Variants in CCSER1 observed in about 807,000 individuals in gnomAD.
CCSER1 encodes the protein coiled-coil serine rich protein 1, also known as serine-rich coiled-coil domain-containing protein 1.
In CCSER1, 41 loss-of-function variants were observed where a neutral mutation model predicts 82.0. The ratio of observed to expected loss-of-function variants is 0.50; its 90% CI spans 0.39 to 0.65. The LOEUF is 0.65. CCSER1 is among the 30% of genes least tolerant of loss of function. CCSER1 has a pLI of 0.00. For missense variants in CCSER1, 1,119 were observed against 1,064.2 expected (o/e 1.05, Z -0.72); for synonymous variants, 414 against 383.9 (o/e 1.08, Z -0.92).
chr4:90,354,365 T>C (rs2153514436), intron 3 of CCSER1, among the ~76,000 whole-genome samples: 1 of 152,302 alleles, frequency 6.6e-6, no homozygotes, highest in East Asian at 1.9e-4. Flanking sequence ...TGGCATTATG[T>C]ATATAAAATA....
chr4:90,349,664 T>C (rs1223643885), intron 3 of CCSER1, among the ~76,000 whole-genome samples: 1 of 152,118 alleles, frequency 6.6e-6, no homozygotes, highest in African/African-American at 2.4e-5. Flanking sequence ...TCTGCTTTCC[T>C]AAAAGACTCC....
At chr4:90,671,606 AC>A (rs1480623844) in intron 6 of CCSER1, among the ~76,000 whole-genome samples, 4 of 151,936 alleles carry the variant, frequency 2.6e-5, no homozygotes, top group African/African-American at 9.7e-5. Context: ...GAAGTCTTGA[AC>A]CTTTCAAAGT....
At chr4:90,879,259 C>G (rs771554781) in intron 8 of CCSER1, among the ~76,000 whole-genome samples, 5 of 152,156 alleles carry the variant, frequency 3.3e-5, no homozygotes, top group Non-Finnish European at 7.4e-5. Context: ...TCAGCTCTGT[C>G]AGACCTATTA....
intron 10 of CCSER1, among the ~76,000 whole-genome samples, chr4:91,544,711 G>T (rs889472043): frequency 6.6e-6 from 1 of 152,190 alleles, no homozygotes; most frequent in Non-Finnish European, 1.5e-5. Context: ...TGAGGTGTCA[G>T]TCTGCCCCTA....
At chr4:90,335,725 T>C (rs1183073464) in intron 3 of CCSER1, among the ~76,000 whole-genome samples, 1 of 152,210 alleles carries the variant, frequency 6.6e-6, no homozygotes, top group African/African-American at 2.4e-5. Flanking sequence ...GCACTTTTAG[T>C]AAATGGATGT....
intron 7 of CCSER1, among the ~76,000 whole-genome samples, chr4:90,756,678 G>A (rs1749582782): frequency 6.6e-6 from 1 of 152,042 alleles, no homozygotes; most frequent in Non-Finnish European, 1.5e-5. Context: ...AGAAGACTTG[G>A]CAAGATATAA....
rs116552159 is a variant in CCSER1 at position 90,195,167 on chromosome 4, T to C, written c.-42+67336T>C. On this transcript the variant is annotated intron_variant, in intron 1 of 10. Transcript: ENST00000509176. Reference sequence around the variant, plus strand: ...CTGTACATGGATAGTTATAGCAGCCTTTTTCATAATTGCCAAAACTTGGAA... The same window carrying C: ...CTGTACATGGATAGTTATAGCAGCCCTTTTCATAATTGCCAAAACTTGGAA... 5.4e-3 allele frequency among the ~76,000 whole-genome samples: 822 copies of C among 152,208 alleles called. 5 individuals are homozygous for C. Among genetic ancestry groups the C allele is most frequent in the African/African-American group, 0.019 (791 of 41,562 alleles).
chr4:90,800,110 C>T (rs1156981702), intron 7 of CCSER1, among the ~76,000 whole-genome samples: 5 of 152,154 alleles, frequency 3.3e-5, no homozygotes, highest in Non-Finnish European at 7.4e-5. Context: ...CTTGGTGGTG[C>T]TGTTTCCCAT....
intron 10 of CCSER1, among the ~76,000 whole-genome samples, chr4:91,553,165 C>A (rs959210008): frequency 6.6e-6 from 1 of 151,446 alleles, no homozygotes; most frequent in Non-Finnish European, 1.5e-5. Flanking sequence ...TATATGATTT[C>A]TATTCTTCAT....
intron 7 of CCSER1, among the ~76,000 whole-genome samples, chr4:90,735,894 G>A (rs959165745): frequency 1.3e-5 from 2 of 151,890 alleles, no homozygotes; most frequent in African/African-American, 4.8e-5. Flanking sequence ...ATAGGTTTGG[G>A]TATGTTGTGT....
chr4:91,223,029 A>G (rs1475923307), intron 10 of CCSER1, among the ~76,000 whole-genome samples: 1 of 150,410 alleles, frequency 6.6e-6, no homozygotes, highest in Non-Finnish European at 1.5e-5. Flanking sequence ...AGTTGACATC[A>G]CTAACTGAAT....
intron 10 of CCSER1, among the ~76,000 whole-genome samples, chr4:91,097,276 A>G (rs1048204255): frequency 2.0e-5 from 3 of 152,178 alleles, no homozygotes; most frequent in South Asian, 2.1e-4. Flanking sequence ...CTGAAATTCT[A>G]TTGAATGTGA....
chr4:90,811,842 G>A (rs180736290), intron 7 of CCSER1, among the ~76,000 whole-genome samples: 3 of 145,086 alleles, frequency 2.1e-5, no homozygotes, highest in African/African-American at 7.8e-5. Context: ...TTAGCTAGTT[G>A]TATCTTGTAG....
At chr4:91,545,323 G>C (rs1761831444) in intron 10 of CCSER1, among the ~76,000 whole-genome samples, 1 of 152,046 alleles carries the variant, frequency 6.6e-6, no homozygotes, top group Non-Finnish European at 1.5e-5. Flanking sequence ...TCTGTGTGCT[G>C]CACCCACTGT....
chr4:90,491,945 C>G (rs576862624), intron 5 of CCSER1, among the ~76,000 whole-genome samples: 1 of 152,226 alleles, frequency 6.6e-6, no homozygotes, highest in East Asian at 1.9e-4. Context: ...ATTTTTGCAT[C>G]GATGTTCATT....
At chr4:90,724,703 C>T (rs185653388) in intron 7 of CCSER1, 23 of 348,622 alleles carry the variant, frequency 6.6e-5, no homozygotes, top group African/African-American at 3.9e-4. Flanking sequence ...AAACTTAAAA[C>T]GTTGGGATGA....
chr4:90,189,317 C>G (rs1302840440), intron 1 of CCSER1, among the ~76,000 whole-genome samples: 1 of 151,824 alleles, frequency 6.6e-6, no homozygotes, highest in African/African-American at 2.4e-5. Context: ...ATCCCCAACC[C>G]TAGAGAGTTC....
chr4:91,243,192 G>C (rs1277000576), intron 10 of CCSER1, among the ~76,000 whole-genome samples: 1 of 152,182 alleles, frequency 6.6e-6, no homozygotes, highest in African/African-American at 2.4e-5. Flanking sequence ...GCCAGTGCCC[G>C]CACCTGGAGG....
chr4:90,158,514 G>A (rs1240915102), intron 1 of CCSER1, among the ~76,000 whole-genome samples: 1 of 152,206 alleles, frequency 6.6e-6, no homozygotes. Flanking sequence ...GCCTCCTTGA[G>A]CTGTGGTGGG....
Sources: gnomAD v4.1 joint callset for allele counts (sites outside exome capture counted in the v4.1 genomes callset) on GRCh38, gnomAD v4.1.1 for gene constraint, MANE v1.5 for transcripts, NCBI Gene and HGNC (gene_info 2026-07-23, HGNC 2026-07-21) for gene names.